FGD4: variants seen among roughly 807,000 people sequenced by gnomAD.
FGD4 encodes FYVE, RhoGEF and PH domain containing 4, also known as FYVE, RhoGEF and PH domain-containing protein 4.
FGD4 carries 42 observed loss-of-function variants against 102.0 expected under a neutral mutation model. That is an observed-to-expected ratio of 0.41 (90% CI 0.32 to 0.53). The LOEUF is 0.53. Ranked by LOEUF, FGD4 falls within the 20% of genes least tolerant of loss-of-function variation. The pLI is 0.21. For synonymous variants in FGD4, 380 were observed against 375.7 expected, an observed-to-expected ratio of 1.01 and a Z score of -0.13; for missense variants, 902 against 1,078.2, an observed-to-expected ratio of 0.84 and a Z score of 2.29.
At chr12:32,468,716 T>C (rs1020113077) in intron 1 of FGD4, among the ~76,000 whole-genome samples, 1 of 152,194 alleles carries the variant, frequency 6.6e-6, no homozygotes, top group Non-Finnish European at 1.5e-5. Flanking sequence ...TACTGCAGCC[T>C]GAGCAACAGA....
rs960296372 is a variant in FGD4, at chr12:32,644,305, A to C, written c.*3772A>C. Reference sequence around the variant, plus strand: ...TAGAATCAAACTTCTTGTTATTTGCATACTATTATCTACTATAGATTCTCA... The same window carrying C: ...TAGAATCAAACTTCTTGTTATTTGCCTACTATTATCTACTATAGATTCTCA... On this transcript the variant is annotated 3_prime_UTR_variant, in exon 17 of 17. Coordinates refer to ENST00000534526, the MANE Select transcript of FGD4 (RefSeq NM_001370298.3). The C allele has an allele frequency of 6.6e-6, 1 of 152,126 alleles. No individual in the cohort carries two copies. Among genetic ancestry groups the C allele is most frequent in the African/African-American group, 2.4e-5 (1 of 41,456 alleles). The allele number at this position is 152,126 out of a possible 1,614,324, so 9.4% of individuals were successfully genotyped here.
At chr12:32,473,486 G>GA (rs1396800810) in intron 1 of FGD4, among the ~76,000 whole-genome samples, 1 of 151,946 alleles carries the variant, frequency 6.6e-6, no homozygotes, top group African/African-American at 2.4e-5. Context: ...CTTCACTCCT[G>GA]AGCCAGCGAG....
At position 32,495,216 on chromosome 12, in the gene FGD4, CAG is replaced by C. The variant is rs34516430; in HGVS notation, c.167-68917_167-68916del. ...TTTCTTAGAGGAAGGCCTCAAAGCT[CAG>C]AGATTGTGGCTTAGAAATCACCCTG... On this transcript the variant is annotated intron_variant, in intron 1 of 16. Coordinates refer to ENST00000534526, the MANE Select transcript of FGD4 (RefSeq NM_001370298.3). Among the ~76,000 whole-genome samples, 1,454 of 152,212 alleles carry C rather than the reference CAG, an allele frequency of 9.6e-3. 20 individuals carry two copies. Among genetic ancestry groups the C allele is most frequent in the African/African-American group, 0.033 (1,368 of 41,530 alleles).
At chr12:32,500,575 A>AT (rs1938142764) in intron 1 of FGD4, among the ~76,000 whole-genome samples, 1 of 152,004 alleles carries the variant, frequency 6.6e-6, no homozygotes, top group Non-Finnish European at 1.5e-5. Context: ...CTGGGACTAC[A>AT]GGCGCCCGCC....
At chr12:32,403,416 A>G (rs1196191035) in intron 1 of FGD4, among the ~76,000 whole-genome samples, 1 of 152,038 alleles carries the variant, frequency 6.6e-6, no homozygotes, top group Non-Finnish European at 1.5e-5. Context: ...CTTAATTTCT[A>G]CGTTTCTTCA....
intron 1 of FGD4, among the ~76,000 whole-genome samples, chr12:32,509,893 G>A (rs1939183020): frequency 6.6e-6 from 1 of 152,004 alleles, no homozygotes; most frequent in South Asian, 2.1e-4. Context: ...AGAAAACGTG[G>A]CCACCTCTAA....
intron 1 of FGD4, among the ~76,000 whole-genome samples, chr12:32,518,088 C>T (rs941706972): frequency 2.0e-5 from 3 of 152,206 alleles, no homozygotes; most frequent in Non-Finnish European, 4.4e-5. Context: ...GGACTAACTT[C>T]AGGATTGACG....
At chr12:32,501,561 G>A (rs923002983) in intron 1 of FGD4, among the ~76,000 whole-genome samples, 43 of 152,084 alleles carry the variant, frequency 2.8e-4, no homozygotes, top group Non-Finnish European at 5.3e-4. Flanking sequence ...ATCCAGCACC[G>A]CCTCTCCCCA....
chr12:32,617,714 T>C (rs892253858), intron 10 of FGD4, among the ~76,000 whole-genome samples: 1 of 152,216 alleles, frequency 6.6e-6, no homozygotes, highest in African/African-American at 2.4e-5. Flanking sequence ...ACTTCTTTTT[T>C]CAGTATCTGG....
chr12:32,548,928 C>T (rs770365705), intron 1 of FGD4, among the ~76,000 whole-genome samples: 5 of 152,164 alleles, frequency 3.3e-5, no homozygotes, highest in African/African-American at 7.2e-5. Context: ...GTCAAAAGCA[C>T]GTGCCAGTAA....
intron 7 of FGD4, among the ~76,000 whole-genome samples, chr12:32,607,264 C>T (rs1170159155): frequency 6.6e-6 from 1 of 152,022 alleles, no homozygotes; most frequent in African/African-American, 2.4e-5. Context: ...ATAGAAATAT[C>T]AGGTGTTTTT....
At chr12:32,466,831 G>A (rs1943265392) in intron 1 of FGD4, among the ~76,000 whole-genome samples, 1 of 136,020 alleles carries the variant, frequency 7.4e-6, no homozygotes, top group Non-Finnish European at 1.5e-5. Context: ...TGGCGTCACT[G>A]CACTCCAGCC....
rs1949697643 is a variant in FGD4 at position 32,619,895 on chromosome 12, T to C, written c.1922+25T>C. 2.5e-6 allele frequency: 4 copies of C among 1,613,328 alleles called. No individual in the cohort carries two copies. The South Asian group carries it at 3.3e-5, about 13-fold the overall frequency. ...GGTAAGGGAACCATTTCTATCACACTGCTTTCCAAAATCAGGCAACAGAAT... is the reference window on the plus strand; with the variant it reads ...GGTAAGGGAACCATTTCTATCACACCGCTTTCCAAAATCAGGCAACAGAAT... On this transcript the variant is annotated intron_variant, in intron 11 of 16. Coordinates refer to ENST00000534526, the MANE Select transcript of FGD4 (RefSeq NM_001370298.3).
intron 1 of FGD4, among the ~76,000 whole-genome samples, chr12:32,441,075 G>C (rs1417278836): frequency 6.6e-6 from 1 of 152,160 alleles, no homozygotes; most frequent in Non-Finnish European, 1.5e-5. Flanking sequence ...GGCAGGTCCA[G>C]AAATGCCATC....
intron 2 of FGD4, among the ~76,000 whole-genome samples, chr12:32,572,141 A>G (rs907961175): frequency 2.6e-5 from 4 of 152,066 alleles, no homozygotes; most frequent in Admixed American, 1.3e-4. Context: ...TAGAAAAGAA[A>G]ATGAACCTAC....
intron 1 of FGD4, among the ~76,000 whole-genome samples, chr12:32,467,347 A>G (rs914880188): frequency 5.3e-5 from 8 of 152,102 alleles, no homozygotes; most frequent in African/African-American, 1.4e-4. Context: ...GGCTTGTGGG[A>G]CCTTAGGAAC....
rs929086962 is a variant in FGD4, at chr12:32,473,233, C to G, written c.166+73274C>G. On this transcript the variant is annotated intron_variant, in intron 1 of 16. Coordinates refer to ENST00000534526, the MANE Select transcript of FGD4 (RefSeq NM_001370298.3). Reference sequence around the variant, plus strand: ...GAGAATAAAAGCAGGCTGCCCGAGCCAGCATTGGCAACCTGCTCGTGTCCC... The same window carrying G: ...GAGAATAAAAGCAGGCTGCCCGAGCGAGCATTGGCAACCTGCTCGTGTCCC... Among the ~76,000 whole-genome samples, 4 of 152,056 alleles carry G rather than the reference C, an allele frequency of 2.6e-5. No individual in the cohort carries two copies. The East Asian group carries it at 7.7e-4, about 29-fold the overall frequency.
intron 1 of FGD4, among the ~76,000 whole-genome samples, chr12:32,445,523 T>C (rs922697269): frequency 1.3e-5 from 2 of 152,228 alleles, no homozygotes; most frequent in African/African-American, 2.4e-5. Flanking sequence ...GATAGGATTA[T>C]TGAATAAAAT....
intron 1 of FGD4, among the ~76,000 whole-genome samples, chr12:32,468,189 G>A (rs10771950): frequency 0.37 from 56,188 of 151,490 alleles, 11,346 homozygotes; most frequent in South Asian, 0.52. Context: ...AACTACAGGT[G>A]TGCCTCACTA....
Sources: gnomAD v4.1 joint callset for allele counts (sites outside exome capture counted in the v4.1 genomes callset) on GRCh38, gnomAD v4.1.1 for gene constraint, MANE v1.5 for transcripts, NCBI Gene and HGNC (gene_info 2026-07-23, HGNC 2026-07-21) for gene names.